CPA6: variants seen among roughly 807,000 people sequenced by gnomAD.
CPA6 encodes the protein carboxypeptidase A6, also known as carboxypeptidase B.
A neutral mutation model predicts 63.3 loss-of-function variants in CPA6; 58 were observed. That is an observed-to-expected ratio of 0.92 (90% CI 0.74 to 1.14). The LOEUF is 1.14. Ranked by LOEUF, CPA6 falls within the 50% of genes most tolerant of loss-of-function variation. CPA6 has a pLI of 0.00. For synonymous variants in CPA6, 185 were observed against 179.0 expected, an observed-to-expected ratio of 1.03 and a Z score of -0.27; for missense variants, 565 against 526.6, an observed-to-expected ratio of 1.07 and a Z score of -0.71.
At chr8:67,668,733 C>T (rs1816283630) in intron 1 of CPA6, among the ~76,000 whole-genome samples, 1 of 152,154 alleles carries the variant, frequency 6.6e-6, no homozygotes, top group Non-Finnish European at 1.5e-5. Flanking sequence ...GGGCCCCCAG[C>T]ATTATACTAT....
intron 1 of CPA6, among the ~76,000 whole-genome samples, chr8:67,728,077 CAA>C (rs35844429): frequency 1.2e-4 from 11 of 89,700 alleles, no homozygotes; most frequent in African/African-American, 2.4e-4. Context: ...GACTCTGTCT[CAA>C]AAAAAAAAAA....
At chr8:67,464,794 G>C (rs984761142) in intron 8 of CPA6, among the ~76,000 whole-genome samples, 1 of 151,998 alleles carries the variant, frequency 6.6e-6, no homozygotes, top group South Asian at 2.1e-4. Context: ...TATTTCTGTC[G>C]ACTTTGTTGA....
chr8:67,478,645 G>A (rs1181031567), intron 8 of CPA6, among the ~76,000 whole-genome samples: 1 of 152,206 alleles, frequency 6.6e-6, no homozygotes, highest in East Asian at 1.9e-4. Flanking sequence ...TGTCAGAAGT[G>A]TTGTACTAAG....
At chr8:67,656,065 C>A (rs1354137211) in intron 1 of CPA6, among the ~76,000 whole-genome samples, 2 of 151,976 alleles carry the variant, frequency 1.3e-5, no homozygotes, top group South Asian at 2.1e-4. Context: ...AGCAGGGAAG[C>A]AAACAAGGGC....
chr8:67,488,265 A>C (rs770201231), intron 6 of CPA6, among the ~76,000 whole-genome samples: 1 of 152,182 alleles, frequency 6.6e-6, no homozygotes. Context: ...TCAGCTTTCT[A>C]CATATGGCTA....
At chr8:67,647,938 A>G (rs989705294) in intron 1 of CPA6, among the ~76,000 whole-genome samples, 11 of 152,186 alleles carry the variant, frequency 7.2e-5, no homozygotes, top group African/African-American at 2.4e-4. Context: ...GAAGTAGGGT[A>G]TAGAAGCATC....
At chr8:67,532,232 T>G (rs1257048799) in intron 2 of CPA6, among the ~76,000 whole-genome samples, 3 of 152,092 alleles carry the variant, frequency 2.0e-5, no homozygotes, top group African/African-American at 7.2e-5. Context: ...CTGAAGTATA[T>G]TTAAAATAGA....
chr8:67,475,863 C>CT (rs1370889634), intron 8 of CPA6, among the ~76,000 whole-genome samples: 2 of 80,692 alleles, frequency 2.5e-5, no homozygotes, highest in African/African-American at 1.1e-4. Flanking sequence ...TTCTTTCTTT[C>CT]TTTCTTTCTT....
intron 6 of CPA6, among the ~76,000 whole-genome samples, chr8:67,485,205 A>T (rs1057184055): frequency 6.6e-6 from 1 of 152,168 alleles, no homozygotes; most frequent in Non-Finnish European, 1.5e-5. Flanking sequence ...ATGTCACTTA[A>T]TTGTCTAATT....
intron 1 of CPA6, among the ~76,000 whole-genome samples, chr8:67,656,090 G>A (rs439782): frequency 0.3 from 45,530 of 151,746 alleles, 7,406 homozygotes; most frequent in African/African-American, 0.43. Flanking sequence ...AATTGGAGAA[G>A]TTGGGGTTTT....
intron 2 of CPA6, among the ~76,000 whole-genome samples, chr8:67,526,112 A>G (rs1325313856): frequency 6.6e-6 from 1 of 152,222 alleles, no homozygotes; most frequent in African/African-American, 2.4e-5. Context: ...AGTGAGAGAG[A>G]CTTAGAAACG....
At chr8:67,537,041 A>G (rs1296594414) in intron 2 of CPA6, among the ~76,000 whole-genome samples, 1 of 152,192 alleles carries the variant, frequency 6.6e-6, no homozygotes, top group Non-Finnish European at 1.5e-5. Flanking sequence ...CCCAGGGATG[A>G]AGCCGACTTG....
chr8:67,447,017 C>A (rs1301368371), intron 8 of CPA6, among the ~76,000 whole-genome samples: 1 of 130,346 alleles, frequency 7.7e-6, no homozygotes, highest in Non-Finnish European at 1.5e-5. Flanking sequence ...TATATATACA[C>A]ACACACATAT....
intron 1 of CPA6, among the ~76,000 whole-genome samples, chr8:67,705,245 C>T (rs1817109360): frequency 1.3e-5 from 2 of 152,116 alleles, no homozygotes; most frequent in Admixed American, 6.6e-5. Flanking sequence ...CTGAAGGGTG[C>T]CTAGGACAGA....
intron 8 of CPA6, among the ~76,000 whole-genome samples, chr8:67,440,346 G>A (rs540114390): frequency 2.6e-5 from 4 of 152,216 alleles, no homozygotes; most frequent in South Asian, 2.1e-4. Flanking sequence ...TGAAGCGGGC[G>A]GATCACTTGA....
chr8:67,683,369 A>T (rs753020345), intron 1 of CPA6, among the ~76,000 whole-genome samples: 4 of 152,042 alleles, frequency 2.6e-5, no homozygotes, highest in Admixed American at 1.3e-4. Flanking sequence ...AACTACTGGA[A>T]TTTTTTCTAT....
At chr8:67,711,995 A>G (rs1327136593) in intron 1 of CPA6, among the ~76,000 whole-genome samples, 1 of 151,978 alleles carries the variant, frequency 6.6e-6, no homozygotes, top group Non-Finnish European at 1.5e-5. Context: ...CATAAGAAGA[A>G]TTACCCCTCC....
chr8:67,625,513 G>A (rs1239296071), intron 1 of CPA6, among the ~76,000 whole-genome samples: 1 of 152,070 alleles, frequency 6.6e-6, no homozygotes, highest in Non-Finnish European at 1.5e-5. Flanking sequence ...GGACAGGTTG[G>A]GAAGCACAGC....
intron 1 of CPA6, among the ~76,000 whole-genome samples, chr8:67,680,525 A>T (rs930736448): frequency 3.9e-5 from 6 of 152,008 alleles, no homozygotes; most frequent in Admixed American, 6.5e-5. Flanking sequence ...ATGATTACAC[A>T]TGTGAACATA....
Sources: allele counts gnomAD v4.1 joint callset (sites outside exome capture counted in the v4.1 genomes callset), GRCh38; gene constraint gnomAD v4.1.1; transcripts MANE v1.5; gene names NCBI Gene and HGNC (gene_info 2026-07-23, HGNC 2026-07-21).